PAWR: variants seen among roughly 807,000 people sequenced by gnomAD.
The protein encoded by PAWR is PRKC apoptosis WT1 regulator protein.
Under a neutral mutation model 32.0 loss-of-function variants are expected in PAWR, and 23 were observed. The observed-to-expected ratio is 0.72, with a 90% CI of 0.52 to 1.02. The LOEUF (loss-of-function observed/expected upper bound fraction) is 1.02. Ranked by LOEUF, PAWR falls within the 50% of genes least tolerant of loss-of-function variation. PAWR has a pLI of 0.00. For missense variants in PAWR, 457 were observed against 437.7 expected (o/e 1.04, Z -0.39); for synonymous variants, 226 against 187.1 (o/e 1.21, Z -1.70).
chr12:79,678,888 G>A (rs1015229929), intron 2 of PAWR, among the ~76,000 whole-genome samples: 2 of 140,952 alleles, frequency 1.4e-5, no homozygotes, highest in Non-Finnish European at 3.1e-5. Flanking sequence ...TTTTTTTGGC[G>A]GGGGTGGGAG....
intron 2 of PAWR, among the ~76,000 whole-genome samples, chr12:79,685,678 T>C (rs932577398): frequency 3.9e-5 from 6 of 152,150 alleles, no homozygotes; most frequent in African/African-American, 1.4e-4. Context: ...TGCCACTCTA[T>C]AGGTTAGAGG....
intron 2 of PAWR, among the ~76,000 whole-genome samples, chr12:79,625,550 G>A (rs766905342): frequency 7.2e-5 from 11 of 152,070 alleles, no homozygotes; most frequent in Non-Finnish European, 1.3e-4. Flanking sequence ...GGCCGGGCGT[G>A]GTGGCTCACG....
chr12:79,675,877 A>G (rs960867559), intron 2 of PAWR, among the ~76,000 whole-genome samples: 3 of 152,158 alleles, frequency 2.0e-5, no homozygotes, highest in Admixed American at 6.5e-5. Flanking sequence ...AATCTAAAAT[A>G]AAAGTTGGAA....
At chr12:79,659,399 A>G (rs1162835745) in intron 2 of PAWR, among the ~76,000 whole-genome samples, 1 of 152,218 alleles carries the variant, frequency 6.6e-6, no homozygotes, top group Admixed American at 6.5e-5. Flanking sequence ...ATAGAAGTCC[A>G]AATCTAATCA....
At chr12:79,689,595 T>C in intron 2 of PAWR, 134 bp downstream of exon 2, 1 of 985,390 alleles carries the variant, frequency 1.0e-6, no homozygotes, top group African/African-American at 1.7e-5. Flanking sequence ...ACCCCCTGCC[T>C]GCCTAACTCG....
chr12:79,647,761 A>G (rs1876645614), intron 2 of PAWR, among the ~76,000 whole-genome samples: 1 of 152,218 alleles, frequency 6.6e-6, no homozygotes, highest in African/African-American at 2.4e-5. Context: ...AACATGAAAA[A>G]AAGTATAATA....
intron 2 of PAWR, among the ~76,000 whole-genome samples, chr12:79,658,623 A>G (rs886925488): frequency 3.9e-5 from 6 of 152,182 alleles, no homozygotes; most frequent in African/African-American, 1.4e-4. Context: ...ATTTCAAGAG[A>G]ATATTCATCC....
chr12:79,609,196 T>C (rs941731370), intron 4 of PAWR, among the ~76,000 whole-genome samples: 1 of 152,132 alleles, frequency 6.6e-6, no homozygotes, highest in Non-Finnish European at 1.5e-5. Context: ...GTTTTACAGG[T>C]TACAACAGCT....
chr12:79,652,928 T>C (rs1192609582), intron 2 of PAWR, among the ~76,000 whole-genome samples: 1 of 152,260 alleles, frequency 6.6e-6, no homozygotes, highest in African/African-American at 2.4e-5. Context: ...TTTATGGTCA[T>C]AGCTTTATCT....
chr12:79,685,896 A>G (rs907195145), intron 2 of PAWR, among the ~76,000 whole-genome samples: 1 of 152,172 alleles, frequency 6.6e-6, no homozygotes, highest in Non-Finnish European at 1.5e-5. Context: ...TACACACAAA[A>G]TACACAAAAA....
chr12:79,688,019 T>G (rs892130737), intron 2 of PAWR, among the ~76,000 whole-genome samples: 2 of 152,124 alleles, frequency 1.3e-5, no homozygotes, highest in African/African-American at 4.8e-5. Context: ...ACCCTTGGTT[T>G]GTTTGTTTTC....
chr12:79,679,603 A>G (rs1878340007), intron 2 of PAWR, among the ~76,000 whole-genome samples: 1 of 152,214 alleles, frequency 6.6e-6, no homozygotes, highest in Non-Finnish European at 1.5e-5. Context: ...TATTTAAGTA[A>G]GAGGTAATAA....
At chr12:79,670,830 T>A (rs1276876670) in intron 2 of PAWR, among the ~76,000 whole-genome samples, 3 of 151,292 alleles carry the variant, frequency 2.0e-5, no homozygotes, top group Admixed American at 6.6e-5. Flanking sequence ...AATTTATAAA[T>A]GAAATAATTT....
intron 3 of PAWR, among the ~76,000 whole-genome samples, chr12:79,617,312 A>G (rs1192970431): frequency 1.3e-5 from 2 of 152,194 alleles, no homozygotes; most frequent in South Asian, 2.1e-4. Flanking sequence ...AGATCATGCC[A>G]CTGCACTCCA....
intron 4 of PAWR, chr12:79,597,234 G>A (rs1342922586): frequency 1.3e-5 from 2 of 151,936 alleles, no homozygotes; most frequent in African/African-American, 4.8e-5. Context: ...AAATTATTTT[G>A]TATTTCTTTT....
rs1458463099 is a variant in PAWR at position 79,585,320 on chromosome 12, C to G, written c.*7287G>C. ...AAGCGCTTGTTAAAACAGATTGAGC[C>G]CCATCTGCAAAGTTTGTGACTCAAG... is the stretch of plus-strand genomic sequence containing the variant. On this transcript the variant is annotated 3_prime_UTR_variant, in exon 7 of 7. Transcript: ENST00000328827. The G allele has an allele frequency of 8.2e-6, 2 of 245,132 alleles. No homozygotes were observed. Among genetic ancestry groups the G allele is most frequent in the East Asian group, 2.4e-4 (2 of 8,196 alleles). The allele number at this position is 245,132 out of a possible 1,614,324, so 15.2% of individuals were successfully genotyped here. A position where few individuals can be genotyped will look rare whatever the true frequency, so the allele number is the denominator to read the frequency against.
chr12:79,661,934 A>T (rs986201353), intron 2 of PAWR, among the ~76,000 whole-genome samples: 1 of 152,150 alleles, frequency 6.6e-6, no homozygotes, highest in African/African-American at 2.4e-5. Flanking sequence ...AAACATCTCA[A>T]ACAATAACCT....
chr12:79,597,936 C>A (rs978303570), intron 4 of PAWR: 2 of 152,178 alleles, frequency 1.3e-5, no homozygotes, highest in Non-Finnish European at 2.9e-5. Context: ...CTTCAGTCAT[C>A]TGAAGGCTTA....
chr12:79,625,871 A>G (rs1277980951), intron 2 of PAWR, among the ~76,000 whole-genome samples: 1 of 151,560 alleles, frequency 6.6e-6, no homozygotes, highest in African/African-American at 2.4e-5. Flanking sequence ...ATTATACACA[A>G]AAGTATATAA....
Sources: allele counts gnomAD v4.1 joint callset (sites outside exome capture counted in the v4.1 genomes callset), GRCh38; gene constraint gnomAD v4.1.1; transcripts MANE v1.5; gene names NCBI Gene and HGNC (gene_info 2026-07-23, HGNC 2026-07-21).